Variants in AKAP19 observed in about 807,000 individuals in gnomAD.
The protein encoded by AKAP19 is A-kinase anchoring protein 19, also known as small A-kinase anchoring protein.
chr2:190,078,092 C>T, the AKAP19 span, among the ~76,000 whole-genome samples: 35 of 152,162 alleles, frequency 2.3e-4, no homozygotes, highest in Non-Finnish European at 4.6e-4. Context: ...CTTTGCATAG[C>T]TCCCTCCTCT....
the AKAP19 span, among the ~76,000 whole-genome samples, chr2:189,920,596 G>A: frequency 1.3e-5 from 2 of 152,212 alleles, no homozygotes; most frequent in African/African-American, 4.8e-5. Flanking sequence ...CCCAAGGCCT[G>A]AGGGTACCAC....
the AKAP19 span, among the ~76,000 whole-genome samples, chr2:190,185,271 C>G: frequency 6.6e-6 from 1 of 152,180 alleles, no homozygotes; most frequent in African/African-American, 2.4e-5. Context: ...AAGCTGTCCT[C>G]TACCCTCTTA....
At chr2:190,158,129 T>A in the AKAP19 span, among the ~76,000 whole-genome samples, 25 of 152,318 alleles carry the variant, frequency 1.6e-4, no homozygotes, top group African/African-American at 6.0e-4. Context: ...CACGTACCCC[T>A]TGCTTGCTCA....
the AKAP19 span, among the ~76,000 whole-genome samples, chr2:190,099,222 A>G: frequency 6.6e-5 from 10 of 152,238 alleles, no homozygotes; most frequent in African/African-American, 1.4e-4. Context: ...GGCTTTTGAC[A>G]TACCTTCCTC....
At chr2:190,080,567 C>T in the AKAP19 span, among the ~76,000 whole-genome samples, 2 of 152,146 alleles carry the variant, frequency 1.3e-5, no homozygotes, top group African/African-American at 2.4e-5. Context: ...TGGTAAGACC[C>T]AATAAATGTT....
chr2:190,196,946 T>TC, the AKAP19 span, among the ~76,000 whole-genome samples: 2 of 152,284 alleles, frequency 1.3e-5, no homozygotes, highest in Admixed American at 1.3e-4. Flanking sequence ...CAGATTTATT[T>TC]CTCATGGTTC....
chr2:190,192,227 T>C, the AKAP19 span, among the ~76,000 whole-genome samples: 1 of 152,146 alleles, frequency 6.6e-6, no homozygotes, highest in Non-Finnish European at 1.5e-5. Flanking sequence ...TTTGCATTCA[T>C]TGTTTTTGGA....
the AKAP19 span, among the ~76,000 whole-genome samples, chr2:190,185,031 T>C: frequency 1.3e-5 from 2 of 152,340 alleles, no homozygotes; most frequent in South Asian, 2.1e-4. Context: ...TCTGAATTTC[T>C]TGGTCCTCTG....
chr2:189,961,046 T>C, the AKAP19 span, among the ~76,000 whole-genome samples: 1 of 152,176 alleles, frequency 6.6e-6, no homozygotes, highest in Non-Finnish European at 1.5e-5. Context: ...TTGTCTTTGA[T>C]CAATATTTAG....
chr2:189,893,052 T>C, the AKAP19 span, among the ~76,000 whole-genome samples: 1 of 152,158 alleles, frequency 6.6e-6, no homozygotes, highest in Non-Finnish European at 1.5e-5. Context: ...AATCGCCTAC[T>C]CAAGCCTCAG....
chr2:189,967,911 A>T, the AKAP19 span, among the ~76,000 whole-genome samples: 1 of 152,114 alleles, frequency 6.6e-6, no homozygotes, highest in Non-Finnish European at 1.5e-5. Flanking sequence ...GTGAAAAAAG[A>T]TACAGTTAAA....
the AKAP19 span, chr2:190,203,326 T>A: frequency 6.0e-6 from 1 of 167,068 alleles, no homozygotes; most frequent in Non-Finnish European, 1.5e-5. Context: ...TGGGCATTAG[T>A]TCAGAAGCAC....
the AKAP19 span, among the ~76,000 whole-genome samples, chr2:190,156,020 T>C: frequency 6.6e-6 from 1 of 152,046 alleles, no homozygotes; most frequent in Non-Finnish European, 1.5e-5. Flanking sequence ...AAAGGCTATA[T>C]GGAATAATTA....
the AKAP19 span, among the ~76,000 whole-genome samples, chr2:189,909,027 T>C: frequency 1.3e-5 from 2 of 152,256 alleles, no homozygotes; most frequent in East Asian, 3.9e-4. Flanking sequence ...CTTTATATAT[T>C]TACATGCTCC....
At chr2:190,033,972 T>C in the AKAP19 span, among the ~76,000 whole-genome samples, 1 of 152,238 alleles carries the variant, frequency 6.6e-6, no homozygotes, top group Non-Finnish European at 1.5e-5. Flanking sequence ...GTGCTGGTTG[T>C]ACTTTATTTG....
chr2:190,084,347 C>T, the AKAP19 span, among the ~76,000 whole-genome samples: 2 of 152,164 alleles, frequency 1.3e-5, no homozygotes, highest in South Asian at 4.1e-4. Flanking sequence ...CCCACCTCAG[C>T]CTCCCAAAGT....
chr2:190,195,940 G>GCTTT, the AKAP19 span, among the ~76,000 whole-genome samples: 13 of 34,388 alleles, frequency 3.8e-4, no homozygotes, highest in South Asian at 1.5e-3. Flanking sequence ...ACTGTGTCCA[G>GCTTT]CTTTTTTTTT....
chr2:190,038,817 T>C, the AKAP19 span, among the ~76,000 whole-genome samples: 1 of 152,094 alleles, frequency 6.6e-6, no homozygotes. Flanking sequence ...AGAAAAACAT[T>C]GTGTGGCAAA....
At chr2:190,171,432 A>T in the AKAP19 span, among the ~76,000 whole-genome samples, 1 of 151,996 alleles carries the variant, frequency 6.6e-6, no homozygotes, top group African/African-American at 2.4e-5. Flanking sequence ...AATGAAAATC[A>T]TTTTATTGGA....
Sources: gnomAD v4.1 joint callset for allele counts (sites outside exome capture counted in the v4.1 genomes callset) on GRCh38, gnomAD v4.1.1 for gene constraint, MANE v1.5 for transcripts, NCBI Gene and HGNC (gene_info 2026-07-23, HGNC 2026-07-21) for gene names.